The following TANC2 variants were observed in gnomAD, a reference collection of about 807,000 sequenced individuals.
The protein encoded by TANC2 is protein TANC2.
A neutral mutation model predicts 210.5 loss-of-function variants in TANC2; 26 were observed. The observed-to-expected ratio is 0.12, with a 90% CI of 0.09 to 0.17. The LOEUF (loss-of-function observed/expected upper bound fraction) is 0.17. Ranked by LOEUF, TANC2 falls within the 10% of genes least tolerant of loss-of-function variation. TANC2 has a pLI of 1.00. For missense variants in TANC2, 2,129 were observed against 2,608.9 expected (o/e 0.82, Z 4.01); for synonymous variants, 931 against 967.1 (o/e 0.96, Z 0.69).
intron 14 of TANC2, among the ~76,000 whole-genome samples, chr17:63,363,258 A>G (rs1239231284): frequency 6.6e-6 from 1 of 152,106 alleles, no homozygotes; most frequent in Admixed American, 6.5e-5. Context: ...TCTGGTTATT[A>G]ATCCCTTGTC....
chr17:63,327,127 G>A (rs191530747), intron 11 of TANC2, among the ~76,000 whole-genome samples: 27 of 152,304 alleles, frequency 1.8e-4, no homozygotes, highest in Non-Finnish European at 3.1e-4. Context: ...ATGAAAAAAT[G>A]CTCAGCATAA....
intron 7 of TANC2, among the ~76,000 whole-genome samples, chr17:63,234,994 A>G (rs1351490166): frequency 6.6e-6 from 1 of 152,178 alleles, no homozygotes; most frequent in African/African-American, 2.4e-5. Flanking sequence ...TACTAGTATT[A>G]AAGCTTATGA....
chr17:63,237,897 A>G (rs775688847), exon 8 of TANC2: 5 of 1,571,830 alleles, frequency 3.2e-6, no homozygotes, highest in African/African-American at 1.4e-5. Context: ...TGGAGGAAAC[A>G]TAAAACCTTG....
chr17:63,400,068 C>T lies in TANC2; in HGVS notation c.3331+1154C>T, dbSNP rs574271098. Among the ~76,000 whole-genome samples, 6 of 152,340 alleles carry T rather than the reference C, an allele frequency of 3.9e-5. No homozygotes were observed. In the East Asian group the frequency reaches 5.8e-4, roughly 15 times the overall value. On this transcript the variant is annotated intron_variant, in intron 19 of 27. Coordinates refer to ENST00000689528, the Ensembl canonical transcript of TANC2. ...GAGGGGAAGGAACTGGGCAGGACAT[C>T]AGCCGCTCTGGAGTATGCATATGTG...
intron 7 of TANC2, among the ~76,000 whole-genome samples, chr17:63,215,543 G>A (rs778291245): frequency 6.6e-6 from 1 of 152,008 alleles, no homozygotes; most frequent in Non-Finnish European, 1.5e-5. Flanking sequence ...TAGAGATTGA[G>A]TTAATCAACA....
intron 8 of TANC2, among the ~76,000 whole-genome samples, chr17:63,246,537 T>C (rs1220553042): frequency 6.6e-6 from 1 of 152,146 alleles, no homozygotes; most frequent in Non-Finnish European, 1.5e-5. Context: ...ATTTGTATTT[T>C]CTGGAAATGT....
At chr17:63,349,661 A>G (rs1255734633) in intron 12 of TANC2, among the ~76,000 whole-genome samples, 1 of 152,234 alleles carries the variant, frequency 6.6e-6, no homozygotes, top group African/African-American at 2.4e-5. Flanking sequence ...GTACAGGGAT[A>G]GATAGCTCCA....
chr17:63,086,059 A>G (rs568588579), intron 3 of TANC2, among the ~76,000 whole-genome samples: 150 of 151,318 alleles, frequency 9.9e-4, no homozygotes, highest in African/African-American at 3.6e-3. Flanking sequence ...ATTTCATTCT[A>G]TCTTTTCTTG....
intron 2 of TANC2, among the ~76,000 whole-genome samples, chr17:63,053,132 A>G (rs1458371214): frequency 6.6e-6 from 1 of 152,276 alleles, no homozygotes; most frequent in East Asian, 1.9e-4. Context: ...ATCTCTTCAT[A>G]TAATCTTTGA....
intron 7 of TANC2, among the ~76,000 whole-genome samples, chr17:63,201,770 T>G (rs2041543193): frequency 6.6e-6 from 1 of 152,142 alleles, no homozygotes; most frequent in Admixed American, 6.6e-5. Flanking sequence ...TGTAATTTAT[T>G]ATCTCCGGTA....
chr17:63,335,966 C>CAA lies in TANC2; in HGVS notation c.1576-4125_1576-4124dup, dbSNP rs552393910. ...AAAAAATAAATAAAAGTCCTACTGC[C>CAA]AAAAAAAAAAATGGTAGGGCTCCAA... On this transcript the variant is annotated intron_variant, in intron 11 of 27. Transcript: ENST00000689528. Among the ~76,000 whole-genome samples, 693 of 143,512 alleles carry CAA rather than the reference C, an allele frequency of 4.8e-3. 6 individuals are homozygous for CAA. Among genetic ancestry groups the CAA allele is most frequent in the African/African-American group, 0.015 (605 of 39,284 alleles). The allele number at this position is 143,512 out of a possible 152,430, so 94.1% of individuals were successfully genotyped here.
At chr17:63,047,567 A>C (rs576886651) in intron 2 of TANC2, among the ~76,000 whole-genome samples, 1 of 152,126 alleles carries the variant, frequency 6.6e-6, no homozygotes, top group South Asian at 2.1e-4. Context: ...TTAGAATTTC[A>C]TGTTTCGATA....
At chr17:63,126,878 GTA>G in intron 4 of TANC2, among the ~76,000 whole-genome samples, 1 of 152,184 alleles carries the variant, frequency 6.6e-6, no homozygotes, top group Non-Finnish European at 1.5e-5. Context: ...GACTCTAACA[GTA>G]TTATAGTGCC....
At chr17:63,371,091 A>T (rs1170132727) in intron 14 of TANC2, among the ~76,000 whole-genome samples, 1 of 152,210 alleles carries the variant, frequency 6.6e-6, no homozygotes. Flanking sequence ...AAATTATAAG[A>T]TAGGCTTTAG....
chr17:63,354,695 G>C, intron 13 of TANC2, 88 bp from the exon 14 acceptor site: 1 of 1,484,400 alleles, frequency 6.7e-7, no homozygotes, highest in Non-Finnish European at 9.0e-7. Flanking sequence ...TCGAAGTTCA[G>C]AATACATTTG....
intron 7 of TANC2, among the ~76,000 whole-genome samples, chr17:63,214,257 G>A (rs1248410877): frequency 6.6e-6 from 1 of 152,174 alleles, no homozygotes; most frequent in Non-Finnish European, 1.5e-5. Flanking sequence ...ATGCACATGA[G>A]GTAAGGTATT....
intron 3 of TANC2, among the ~76,000 whole-genome samples, chr17:63,097,877 C>G (rs2037448290): frequency 1.3e-5 from 2 of 152,136 alleles, no homozygotes; most frequent in Non-Finnish European, 1.5e-5. Flanking sequence ...CTTTGACTCT[C>G]CATTCATCAT....
chr17:63,089,761 A>G (rs917691400), intron 3 of TANC2, among the ~76,000 whole-genome samples: 9 of 152,274 alleles, frequency 5.9e-5, no homozygotes, highest in African/African-American at 2.2e-4. Context: ...TTGAGAAATT[A>G]TGCATTGTTA....
chr17:63,234,238 T>G (rs531802540), intron 7 of TANC2, among the ~76,000 whole-genome samples: 1 of 152,364 alleles, frequency 6.6e-6, no homozygotes, highest in African/African-American at 2.4e-5. Context: ...ACTATATTCC[T>G]AGCAGACATA....
Sources: gnomAD v4.1 joint callset for allele counts (sites outside exome capture counted in the v4.1 genomes callset) on GRCh38, gnomAD v4.1.1 for gene constraint, MANE v1.5 for transcripts, NCBI Gene and HGNC (gene_info 2026-07-23, HGNC 2026-07-21) for gene names.